SLC44A1: variants seen among roughly 807,000 people sequenced by gnomAD.
SLC44A1 encodes the protein choline transporter-like protein 1.
Under a neutral mutation model 79.3 loss-of-function variants are expected in SLC44A1, and 26 were observed. The ratio of observed to expected loss-of-function variants is 0.33; its 90% confidence interval spans 0.24 to 0.46. The LOEUF (loss-of-function observed/expected upper bound fraction) is 0.46, where lower values mean the gene tolerates loss of function less well. Among genes scored for constraint, SLC44A1 ranks in the 20% least tolerant of loss-of-function variants. The pLI is 1.00. For synonymous variants in SLC44A1, 263 were observed against 286.2 expected (o/e 0.92, Z 0.82); for missense variants, 688 against 798.1 (o/e 0.86, Z 1.66).
intron 1 of SLC44A1, among the ~76,000 whole-genome samples, chr9:105,268,318 C>G (rs78837910): frequency 6.6e-6 from 1 of 152,202 alleles, no homozygotes; most frequent in South Asian, 2.1e-4. Flanking sequence ...CGGGATTCAG[C>G]TTTTTCGAGT....
intron 7 of SLC44A1, among the ~76,000 whole-genome samples, chr9:105,359,692 G>A (rs1172007271): frequency 6.6e-6 from 1 of 151,818 alleles, no homozygotes; most frequent in African/African-American, 2.4e-5. Context: ...ATTTCTGTAT[G>A]TAGGAAACAT....
chr9:105,383,838 C>T (rs1828549358), intron 14 of SLC44A1, among the ~76,000 whole-genome samples: 2 of 152,126 alleles, frequency 1.3e-5, no homozygotes, highest in Non-Finnish European at 2.9e-5. Context: ...GTGATGAATA[C>T]CGATAACAGA....
intron 4 of SLC44A1, among the ~76,000 whole-genome samples, chr9:105,341,690 G>A (rs1827097462): frequency 6.6e-6 from 1 of 152,130 alleles, no homozygotes; most frequent in African/African-American, 2.4e-5. Context: ...AGAATGATGG[G>A]CTGGATTTCC....
chr9:105,280,095 G>C (rs1461437404), intron 1 of SLC44A1, among the ~76,000 whole-genome samples: 1 of 152,186 alleles, frequency 6.6e-6, no homozygotes, highest in Non-Finnish European at 1.5e-5. Context: ...CTAGAATATT[G>C]AGATGTCACT....
chr9:105,282,906 A>G (rs1038888936), intron 1 of SLC44A1, among the ~76,000 whole-genome samples: 14 of 152,114 alleles, frequency 9.2e-5, no homozygotes, highest in African/African-American at 3.1e-4. Flanking sequence ...TTTTGTGACG[A>G]TATATCATCT....
chr9:105,395,343 T>G lies in SLC44A1; in HGVS notation c.*6287T>G, dbSNP rs539658678. The G allele has an allele frequency of 2.6e-4, 99 of 382,146 alleles. No homozygotes were observed. The highest frequency in any genetic ancestry group is 1.4e-3 in the Middle Eastern group (1 of 722). 23.7% of individuals were successfully genotyped at this position (382,146 alleles called of 1,614,324 possible). ...AAGTGATTCTCCTGCATCAGCCTCCTGAGTAGCTGGGACCACAGGCATGTG... is the reference window on the plus strand; with the variant it reads ...AAGTGATTCTCCTGCATCAGCCTCCGGAGTAGCTGGGACCACAGGCATGTG... On this transcript the variant is annotated 3_prime_UTR_variant, in exon 16 of 16. Transcript: ENST00000374720.
At chr9:105,418,897 G>A (rs1429463509) in intron 15 of SLC44A1, among the ~76,000 whole-genome samples, 2 of 152,146 alleles carry the variant, frequency 1.3e-5, no homozygotes, top group Admixed American at 6.6e-5. Flanking sequence ...AAAAATTTAG[G>A]TAAAAGTTAA....
chr9:105,363,315 A>G (rs1827840281), intron 9 of SLC44A1, among the ~76,000 whole-genome samples: 1 of 151,946 alleles, frequency 6.6e-6, no homozygotes, highest in Non-Finnish European at 1.5e-5. Flanking sequence ...GGCACATGCC[A>G]CCATGCCTGG....
At chr9:105,404,754 G>A (rs936045497) in intron 15 of SLC44A1, among the ~76,000 whole-genome samples, 2 of 152,192 alleles carry the variant, frequency 1.3e-5, no homozygotes, top group African/African-American at 4.8e-5. Flanking sequence ...CAAAGGTTTG[G>A]CACTATGGAT....
intron 1 of SLC44A1, among the ~76,000 whole-genome samples, chr9:105,272,075 T>C (rs942182459): frequency 6.6e-6 from 1 of 152,240 alleles, no homozygotes; most frequent in Non-Finnish European, 1.5e-5. Context: ...CAGTATCTAA[T>C]AGAGTAGCTT....
chr9:105,338,965 G>T (rs1457209495), intron 4 of SLC44A1, among the ~76,000 whole-genome samples: 1 of 152,158 alleles, frequency 6.6e-6, no homozygotes, highest in South Asian at 2.1e-4. Context: ...GAGCCTAAAT[G>T]TAAGAGCTAA....
At chr9:105,430,466 T>C (rs888210545) in intron 15 of SLC44A1, among the ~76,000 whole-genome samples, 1 of 152,156 alleles carries the variant, frequency 6.6e-6, no homozygotes, top group African/African-American at 2.4e-5. Flanking sequence ...AAACCACTAT[T>C]CTACTTTATT....
intron 2 of SLC44A1, among the ~76,000 whole-genome samples, chr9:105,300,794 G>T (rs10991610): frequency 0.14 from 19,804 of 137,806 alleles, 1,634 homozygotes; most frequent in African/African-American, 0.27. Flanking sequence ...TTTTTTTTTT[G>T]AGACAGAATT....
chr9:105,297,060 C>A (rs892869241), intron 1 of SLC44A1, among the ~76,000 whole-genome samples: 8 of 152,164 alleles, frequency 5.3e-5, no homozygotes, highest in African/African-American at 1.7e-4. Context: ...AAACTGCCTA[C>A]TCATTCTTGG....
chr9:105,411,188 T>TTA (rs917315638), intron 15 of SLC44A1, among the ~76,000 whole-genome samples: 9 of 152,320 alleles, frequency 5.9e-5, no homozygotes, highest in African/African-American at 1.4e-4. Flanking sequence ...AAATTTTATG[T>TTA]TATATATATT....
intron 1 of SLC44A1, among the ~76,000 whole-genome samples, chr9:105,294,496 G>A (rs1830673981): frequency 6.6e-6 from 1 of 151,732 alleles, no homozygotes; most frequent in Non-Finnish European, 1.5e-5. Context: ...ATGTCATTCT[G>A]TGGTTTTCTA....
At chr9:105,299,443 T>G in intron 2 of SLC44A1, 134 bp downstream of exon 2, 5 of 580,566 alleles carry the variant, frequency 8.6e-6, no homozygotes, top group Non-Finnish European at 1.1e-5. Context: ...CACTCTTGAT[T>G]TGTTTTTCTA....
intron 2 of SLC44A1, among the ~76,000 whole-genome samples, chr9:105,305,843 C>CTT (rs748755778): frequency 0.018 from 1,500 of 84,854 alleles, 45 homozygotes; most frequent in African/African-American, 0.091. Flanking sequence ...AAAGTGTGTC[C>CTT]TTTTTTTTTT....
At chr9:105,358,490 A>G (rs901007525) in intron 7 of SLC44A1, 57 bp downstream of exon 7, 2 of 877,086 alleles carry the variant, frequency 2.3e-6, no homozygotes. Flanking sequence ...TTGGTAGAAA[A>G]TAGAAATATA....
Sources: gnomAD v4.1 joint callset for allele counts (sites outside exome capture counted in the v4.1 genomes callset) on GRCh38, gnomAD v4.1.1 for gene constraint, MANE v1.5 for transcripts, NCBI Gene and HGNC (gene_info 2026-07-23, HGNC 2026-07-21) for gene names.